BANP: variants seen among roughly 807,000 people sequenced by gnomAD.
BANP encodes the protein protein BANP.
Under a neutral mutation model 68.1 loss-of-function variants are expected in BANP, and 11 were observed. The observed-to-expected ratio is 0.16, with a 90% CI of 0.10 to 0.27. The LOEUF is 0.27. Ranked by LOEUF, BANP falls within the 10% of genes least tolerant of loss-of-function variation. BANP has a pLI of 1.00. For synonymous variants in BANP, 329 were observed against 303.2 expected (o/e 1.09, Z -0.88); for missense variants, 504 against 722.7 (o/e 0.70, Z 3.47).
chr16:87,981,536 GCA>G (rs1240995665), intron 3 of BANP, among the ~76,000 whole-genome samples: 1 of 152,218 alleles, frequency 6.6e-6, no homozygotes, highest in African/African-American at 2.4e-5. Flanking sequence ...AATTACATCT[GCA>G]CAGTTTCCAA....
At chr16:87,974,173 GTCACATTCATT>G (rs1244479912) in intron 1 of BANP, among the ~76,000 whole-genome samples, 1 of 152,138 alleles carries the variant, frequency 6.6e-6, no homozygotes, top group Non-Finnish European at 1.5e-5. Context: ...AAACATGATG[GTCACATTCATT>G]CCTCATTTCT....
At chr16:88,038,906 G>A (rs1032718539) in intron 11 of BANP, among the ~76,000 whole-genome samples, 22 of 152,212 alleles carry the variant, frequency 1.4e-4, no homozygotes, top group African/African-American at 5.3e-4. Context: ...TCACTGCGTA[G>A]AAAGATAATA....
chr16:88,041,216 T>C (rs2080711296), intron 11 of BANP, among the ~76,000 whole-genome samples: 1 of 152,224 alleles, frequency 6.6e-6, no homozygotes, highest in Non-Finnish European at 1.5e-5. Flanking sequence ...TCTCTGAAAA[T>C]AGCCTCCATT....
chr16:88,003,742 A>G lies in BANP; in HGVS notation c.363-553A>G, dbSNP rs1263691238. 6.0e-6 allele frequency: 2 copies of G among 333,626 alleles called. No individual in the cohort carries two copies. The highest frequency in any genetic ancestry group is 8.1e-5 in the East Asian group (1 of 12,356). 20.7% of individuals were successfully genotyped at this position (333,626 alleles called of 1,614,324 possible). Reference sequence around the variant, plus strand: ...GGTTGTAGCTCACACATGTTCCTGCAGGACCTGGAGGCAGCATGTGTGTCC... The same window carrying G: ...GGTTGTAGCTCACACATGTTCCTGCGGGACCTGGAGGCAGCATGTGTGTCC... On this transcript the variant is annotated intron_variant, in intron 4 of 13. Transcript: ENST00000682872. The surrounding 1 kb of genome is among the most constrained non-coding windows in gnomAD (Gnocchi z 6.1).
rs1292340074 is a variant in BANP, at chr16:87,957,990, G to A, written c.-69+6475G>A. 4.6e-5 allele frequency among the ~76,000 whole-genome samples: 7 copies of A among 152,142 alleles called. No homozygotes were observed. Among genetic ancestry groups the A allele is most frequent in the Non-Finnish European group, 7.4e-5 (5 of 68,022 alleles). On this transcript the variant is annotated intron_variant, in intron 1 of 13. Coordinates refer to ENST00000682872, the MANE Select transcript of BANP (RefSeq NM_001386991.1). This position sits in a 1 kb window ranked among gnomAD's most constrained non-coding sequence, Gnocchi z 4.3. ...CAGTCTGCGTTTTCTGCCGAAATGC[G>A]TCCCTGAGATTGAGAAAGTTCACAC...
At chr16:87,995,554 G>A (rs1233602859) in intron 4 of BANP, among the ~76,000 whole-genome samples, 1 of 152,190 alleles carries the variant, frequency 6.6e-6, no homozygotes, top group Non-Finnish European at 1.5e-5. Context: ...AATTAGAAAA[G>A]TAGTATCAGC....
Position 88,058,174 on chromosome 16 carries a change from G to A in BANP, c.1312-7093G>A, listed in dbSNP as rs143351099. 2.5e-3 allele frequency among the ~76,000 whole-genome samples: 382 copies of A among 152,312 alleles called. 1 individual carries two copies. The highest frequency in any genetic ancestry group is 8.6e-3 in the African/African-American group (357 of 41,566). ...GCCTGGTTAAAACGTTGAAGCTGGT[G>A]CTAAAGTGTGTTGAGGTGCCTGAAA... On this transcript the variant is annotated intron_variant, in intron 11 of 13. Transcript: ENST00000682872.
chr16:87,985,641 T>C (rs1013696038), intron 4 of BANP, among the ~76,000 whole-genome samples: 2 of 152,188 alleles, frequency 1.3e-5, no homozygotes, highest in African/African-American at 4.8e-5. Flanking sequence ...ATGAATGTGA[T>C]AGTATTGTGT....
intron 6 of BANP, among the ~76,000 whole-genome samples, chr16:88,012,232 G>A (rs191600232): frequency 6.6e-6 from 1 of 152,200 alleles, no homozygotes; most frequent in African/African-American, 2.4e-5. Flanking sequence ...CTGCCTTTAG[G>A]TTTGAATTCT....
rs920655811 is a variant in BANP at position 88,006,094 on chromosome 16, G to A, written c.484G>A (p.Val162Met). 2 of 1,613,918 alleles carry A rather than the reference G, an allele frequency of 1.2e-6. No homozygotes were observed. Among genetic ancestry groups the A allele is most frequent in the South Asian group, 1.1e-5 (1 of 91,072 alleles). Residue 162 changes from valine (V) to methionine (M), a missense_variant, in exon 6 of 14, where the codon GTG (valine) becomes ATG (methionine). Around this residue, in one of 3 missense-constraint regions of BANP, gnomAD observed 238 missense variants for 278.9 expected, o/e 0.85. Transcript: ENST00000682872. ...TGTGTTTTTTTTCCCGTTTAGCGCTGTGCCTGGGCGTCGGCAGAACACCAT... is the reference window on the plus strand; with the variant it reads ...TGTGTTTTTTTTCCCGTTTAGCGCTATGCCTGGGCGTCGGCAGAACACCAT... ...DSLENVISNAVPGRRQNTIVV... is the reference protein window; with the variant it reads ...DSLENVISNAMPGRRQNTIVV...
chr16:88,042,002 G>A (rs536753993), intron 11 of BANP, among the ~76,000 whole-genome samples: 43 of 152,244 alleles, frequency 2.8e-4, no homozygotes, highest in Non-Finnish European at 5.3e-4. Flanking sequence ...CGTGGGAGAC[G>A]CAGTAGGAGG....
In BANP at chr16:87,975,068, C is replaced by G. The variant is rs780532764; in HGVS notation, c.-48C>G. 1 of 1,558,546 alleles carries G rather than the reference C, an allele frequency of 6.4e-7. No homozygotes were observed. Among genetic ancestry groups the G allele is most frequent in the African/African-American group, 1.4e-5 (1 of 73,748 alleles). On this transcript the variant is annotated 5_prime_UTR_variant, in exon 2 of 14. Transcript: ENST00000682872. The stretch of plus-strand genomic sequence containing the variant: ...GGTAGGTGACCAAAAGCCAGCCCCA[C>G]TGTGAGTTGAACTCTTTCGTGTTGA...
chr16:88,024,910 T>A (rs1370604656), intron 7 of BANP, among the ~76,000 whole-genome samples: 1 of 152,266 alleles, frequency 6.6e-6, no homozygotes, highest in African/African-American at 2.4e-5. Flanking sequence ...TGTGAATGTT[T>A]TCACCCATTT....
intron 13 of BANP, among the ~76,000 whole-genome samples, chr16:88,073,488 C>T (rs921276202): frequency 6.6e-6 from 1 of 152,192 alleles, no homozygotes. Flanking sequence ...TTGTCGCCGA[C>T]CTCACTGGAG....
At chr16:87,973,116 T>C (rs1463294967) in intron 1 of BANP, among the ~76,000 whole-genome samples, 1 of 152,116 alleles carries the variant, frequency 6.6e-6, no homozygotes, top group East Asian at 1.9e-4. Flanking sequence ...TTGCTATCCT[T>C]GGAGGTCTGT....
At chr16:88,008,071 G>A (rs4843295) in intron 6 of BANP, among the ~76,000 whole-genome samples, 3 of 151,966 alleles carry the variant, frequency 2.0e-5, no homozygotes, top group Non-Finnish European at 4.4e-5. Flanking sequence ...GCTCATCTCC[G>A]TCCTCGTGGA....
At chr16:88,005,193 G>A (rs1427127159) in intron 5 of BANP, among the ~76,000 whole-genome samples, 3 of 152,138 alleles carry the variant, frequency 2.0e-5, no homozygotes, top group Admixed American at 6.5e-5. Context: ...GGTGATGGGC[G>A]GTGAGGAGGT....
At chr16:87,991,871 T>G (rs1293687868) in intron 4 of BANP, among the ~76,000 whole-genome samples, 1 of 152,254 alleles carries the variant, frequency 6.6e-6, no homozygotes, top group Non-Finnish European at 1.5e-5. Context: ...TTCTCTTACT[T>G]TAATGTGCTG....
At chr16:88,072,520 G>C (rs1467025572) in intron 13 of BANP, among the ~76,000 whole-genome samples, 2 of 152,246 alleles carry the variant, frequency 1.3e-5, no homozygotes, top group African/African-American at 4.8e-5. Context: ...TTTCCTGTGG[G>C]CTGGGGAGCA....
Sources: allele counts gnomAD v4.1 joint callset (sites outside exome capture counted in the v4.1 genomes callset), GRCh38; gene constraint gnomAD v4.1.1; regional missense constraint gnomAD v4.1.1; non-coding constraint Gnocchi (gnomAD v3.1); transcripts MANE v1.5; gene names NCBI Gene and HGNC (gene_info 2026-07-23, HGNC 2026-07-21).